Variants in PAM observed in about 807,000 individuals in gnomAD.
The protein encoded by PAM is peptidylglycine alpha-amidating monooxygenase, also known as peptidyl-glycine alpha-amidating monooxygenase.
PAM carries 72 observed loss-of-function variants against 122.1 expected under a neutral mutation model. The observed-to-expected ratio is 0.59, with a 90% confidence interval of 0.49 to 0.72. PAM has a LOEUF of 0.72. PAM is among the 30% of genes least tolerant of loss of function. The pLI, the probability that PAM is intolerant of heterozygous loss-of-function variation, is 0.00. For synonymous variants in PAM, 389 were observed against 404.4 expected, an observed-to-expected ratio of 0.96 and a Z score of 0.46; for missense variants, 1,106 against 1,183.7, an observed-to-expected ratio of 0.93 and a Z score of 0.96.
At chr5:102,814,999 T>C (rs2150243448) in intron 1 of PAM, among the ~76,000 whole-genome samples, 1 of 152,142 alleles carries the variant, frequency 6.6e-6, no homozygotes, top group East Asian at 1.9e-4. Context: ...TGAGCTGTTC[T>C]AAACCTAGTC....
In PAM at chr5:102,874,318, A is replaced by G. The variant is rs1454650254; in HGVS notation, c.210+6925A>G. Among the ~76,000 whole-genome samples the G allele has an allele frequency of 4.6e-5, 7 of 152,336 alleles. No homozygotes were observed. The East Asian group carries it at 1.3e-3, about 29-fold the overall frequency. ...AAGTATATGAATTAAGTAGATTACA[A>G]AAATGTTAAATGGCTTTTGTAAACG... On this transcript the variant is annotated intron_variant, in intron 3 of 25. Coordinates refer to ENST00000438793, the MANE Select transcript of PAM (RefSeq NM_001177306.2).
At chr5:102,893,482 C>G (rs1287232361) in intron 3 of PAM, among the ~76,000 whole-genome samples, 2 of 151,678 alleles carry the variant, frequency 1.3e-5, no homozygotes, top group Non-Finnish European at 3.0e-5. Flanking sequence ...TATGTAAAAC[C>G]TGAAAACCCA....
intron 1 of PAM, among the ~76,000 whole-genome samples, chr5:102,814,851 C>A (rs1466995897): frequency 6.6e-6 from 1 of 151,924 alleles, no homozygotes; most frequent in Non-Finnish European, 1.5e-5. Context: ...CCCCATCACA[C>A]TTGCCTGACT....
intron 16 of PAM, among the ~76,000 whole-genome samples, chr5:102,991,887 T>C (rs918542756): frequency 6.6e-6 from 1 of 152,182 alleles, no homozygotes; most frequent in African/African-American, 2.4e-5. Context: ...ATTTTCTGCA[T>C]GGATTTCTAG....
chr5:103,023,799 A>G lies in PAM; in HGVS notation c.2486-1332A>G, dbSNP rs558453601. On this transcript the variant is annotated intron_variant, in intron 23 of 25. Coordinates refer to ENST00000438793, the MANE Select transcript of PAM (RefSeq NM_001177306.2). ...GAGCTTGGTGTGATGATTAAAGGAAACGATGCCTGACAATGGTGTAAGTAC... is the reference window on the plus strand; with the variant it reads ...GAGCTTGGTGTGATGATTAAAGGAAGCGATGCCTGACAATGGTGTAAGTAC... 2.5e-4 allele frequency among the ~76,000 whole-genome samples: 38 copies of G among 152,268 alleles called. No homozygotes were observed. In the South Asian group the frequency reaches 5.0e-3, roughly 20 times the overall value.
At chr5:102,956,064 T>C (rs905601654) in intron 12 of PAM, among the ~76,000 whole-genome samples, 1 of 152,062 alleles carries the variant, frequency 6.6e-6, no homozygotes, top group Admixed American at 6.5e-5. Flanking sequence ...GTATGACTCT[T>C]TTTGTTCAGC....
Position 102,904,504 on chromosome 5 carries a change from A to C in PAM, c.268+3091A>C, listed in dbSNP as rs1798948392. Among the ~76,000 whole-genome samples the C allele has an allele frequency of 2.0e-5, 3 of 151,536 alleles. No individual in the cohort carries two copies. In the Admixed American group the frequency reaches 2.0e-4, roughly 10 times the overall value. The stretch of plus-strand genomic sequence containing the variant: ...TAGATAATTTACCTTTCTACCTTGA[A>C]TTATATTCTAATCTAAGGAATCATT... On this transcript the variant is annotated intron_variant, in intron 4 of 25. Transcript: ENST00000438793.
chr5:102,803,150 G>A (rs765690948), intron 1 of PAM, among the ~76,000 whole-genome samples: 41 of 1,004 alleles, frequency 0.041, no homozygotes, highest in Admixed American at 0.16. Context: ...AGAAAGAAAG[G>A]AAGGAAGGAA....
chr5:102,991,640 T>C (rs1343876506), intron 16 of PAM, among the ~76,000 whole-genome samples: 1 of 152,160 alleles, frequency 6.6e-6, no homozygotes, highest in East Asian at 1.9e-4. Flanking sequence ...TCAGAATACA[T>C]TGGTAGCATT....
intron 1 of PAM, among the ~76,000 whole-genome samples, chr5:102,814,918 T>C (rs1235062001): frequency 6.6e-6 from 1 of 151,976 alleles, no homozygotes; most frequent in Non-Finnish European, 1.5e-5. Context: ...TTCCCCTCTT[T>C]CTTATACAAA....
chr5:103,007,048 T>C (rs764237782), intron 19 of PAM, 37 bp downstream of exon 19: 42 of 1,434,696 alleles, frequency 2.9e-5, no homozygotes, highest in Non-Finnish European at 4.1e-5. Context: ...GTTGTAATTC[T>C]TAGCCAGTAT....
chr5:103,010,178 A>C (rs34596924), intron 21 of PAM, among the ~76,000 whole-genome samples: 11,249 of 152,272 alleles, frequency 0.074, 542 homozygotes, highest in Non-Finnish European at 0.11. Flanking sequence ...GAATACAAAA[A>C]ATAAATCAGT....
chr5:102,976,105 A>G (rs1486496637), intron 15 of PAM, among the ~76,000 whole-genome samples: 2 of 152,220 alleles, frequency 1.3e-5, no homozygotes, highest in Non-Finnish European at 1.5e-5. Flanking sequence ...CCTTCCTGTG[A>G]ATGTCACTGA....
rs1192337136 is a variant in PAM at position 103,028,932 on chromosome 5, G to GT, written c.2790dup (p.Lys931Ter). The GT allele has an allele frequency of 5.0e-6, 8 of 1,612,594 alleles. No homozygotes were observed. Among genetic ancestry groups the GT allele is most frequent in the Non-Finnish European group, 6.8e-6 (8 of 1,179,384 alleles). On this transcript the variant is annotated frameshift_variant, in exon 26 of 26. Transcript: ENST00000438793. LOFTEE classifies it high-confidence loss of function. Reference sequence around the variant, plus strand: ...AACCTTGGTAATTTCTTTGCAAGCCGTAAGGGCTACAGTCGAAAAGGGTTT... The same window carrying GT: ...AACCTTGGTAATTTCTTTGCAAGCCGTTAAGGGCTACAGTCGAAAAGGGTTT...
At chr5:102,903,008 A>G (rs1050911116) in intron 4 of PAM, among the ~76,000 whole-genome samples, 1 of 151,592 alleles carries the variant, frequency 6.6e-6, no homozygotes, top group Non-Finnish European at 1.5e-5. Flanking sequence ...ATGAAAAAAT[A>G]CAAGTGAGTA....
intron 1 of PAM, among the ~76,000 whole-genome samples, chr5:102,861,547 A>G (rs1381518368): frequency 6.6e-6 from 1 of 152,216 alleles, no homozygotes; most frequent in Non-Finnish European, 1.5e-5. Flanking sequence ...GAGATATGAC[A>G]GCTCTCTTTG....
chr5:102,783,131 A>G (rs1759503309), intron 1 of PAM, among the ~76,000 whole-genome samples: 1 of 151,908 alleles, frequency 6.6e-6, no homozygotes, highest in Non-Finnish European at 1.5e-5. Context: ...TATTTCTCTC[A>G]TGAAATGAAT....
intron 1 of PAM, among the ~76,000 whole-genome samples, chr5:102,785,655 CTGAG>C (rs1760315841): frequency 1.3e-5 from 2 of 151,714 alleles, no homozygotes; most frequent in East Asian, 4.0e-4. Flanking sequence ...TAATTTCTTT[CTGAG>C]TTAGTTAAGT....
intron 7 of PAM, among the ~76,000 whole-genome samples, chr5:102,940,494 T>C (rs1754821260): frequency 7.3e-6 from 1 of 136,540 alleles, no homozygotes; most frequent in African/African-American, 2.6e-5. Flanking sequence ...GCTATATATA[T>C]ATATCAGCTA....
Sources: gnomAD v4.1 joint callset for allele counts (sites outside exome capture counted in the v4.1 genomes callset) on GRCh38, gnomAD v4.1.1 for gene constraint, MANE v1.5 for transcripts, NCBI Gene and HGNC (gene_info 2026-07-23, HGNC 2026-07-21) for gene names.